MTM1: variants seen among roughly 807,000 people sequenced by gnomAD.
MTM1 encodes myotubularin 1.
In MTM1, 9 loss-of-function variants were observed where a neutral mutation model predicts 52.1. The ratio of observed to expected loss-of-function variants is 0.17; its 90% CI spans 0.10 to 0.30. MTM1 has a LOEUF of 0.30. Ranked by LOEUF, MTM1 falls within the 10% of genes least tolerant of loss-of-function variation. MTM1 has a pLI of 1.00. For synonymous variants in MTM1, 136 were observed against 163.8 expected, an observed-to-expected ratio of 0.83 and a Z score of 1.29; for missense variants, 277 against 470.7, an observed-to-expected ratio of 0.59 and a Z score of 3.81.
chrX:150,615,791 A>G (rs2039374463), intron 5 of MTM1, among the ~76,000 whole-genome samples: 2 of 112,307 alleles, frequency 1.8e-5, no homozygotes, highest in Admixed American at 1.9e-4. Context: ...CAGAAACTAA[A>G]GGATAATGCC....
chrX:150,619,463 C>T (rs1400564262), intron 6 of MTM1, among the ~76,000 whole-genome samples: 2 of 111,908 alleles, frequency 1.8e-5, no homozygotes, highest in Admixed American at 1.9e-4. Context: ...TGAATAGGGG[C>T]AGTTTTATTT....
Position 150,590,936 on chromosome X carries a change from A to G in MTM1, c.-10-1669A>G, listed in dbSNP as rs968629915. ...CCTAATATATAGTCTTGTTTTGTCA[A>G]TAGAAAAATTTCAGAGCAGATACAT... On this transcript the variant is annotated intron_variant, in intron 1 of 14. Transcript: ENST00000370396. The G allele has an allele frequency of 2.4e-4, 111 of 470,046 alleles. No individual in the cohort carries two copies. In the African/African-American group the frequency reaches 2.6e-3, roughly 11 times the overall value. 38.7% of individuals were successfully genotyped at this position (470,046 alleles called of 1,213,427 possible).
In MTM1 at chrX:150,626,355, C is replaced by T. The variant is rs987287569; in HGVS notation, c.444+7216C>T. On this transcript the variant is annotated intron_variant, in intron 6 of 14. Transcript: ENST00000370396. ...TTGAGACGGAGTCTTGCTCTGTCAC[C>T]CAGGCTGGAGTGCAGTGGCATGATC... Among the ~76,000 whole-genome samples, 7 of 111,395 alleles carry T rather than the reference C, an allele frequency of 6.3e-5. No individual in the cohort carries two copies. In the East Asian group the frequency reaches 2.0e-3, roughly 31 times the overall value.
chrX:150,596,615 C>T (rs1472577734), intron 3 of MTM1, 45 bp downstream of exon 3: 3 of 1,089,669 alleles, frequency 2.8e-6, no homozygotes, highest in African/African-American at 1.8e-5. Context: ...GAGGAGAAGT[C>T]TGGCAGGATC....
chrX:150,626,564 T>C (rs1005645393), intron 6 of MTM1, among the ~76,000 whole-genome samples: 5 of 111,545 alleles, frequency 4.5e-5, no homozygotes, highest in Non-Finnish European at 9.4e-5. Context: ...CGCCTCAGCC[T>C]CCCAAAGTGC....
chrX:150,596,714 C>T, intron 3 of MTM1, 144 bp downstream of exon 3: 1 of 478,631 alleles, frequency 2.1e-6, no homozygotes, highest in Non-Finnish European at 3.8e-6. Context: ...GAACTCTCTG[C>T]ATCCCTTTCT....
intron 7 of MTM1, among the ~76,000 whole-genome samples, chrX:150,639,995 G>A (rs1476997784): frequency 9.0e-6 from 1 of 111,630 alleles, no homozygotes; most frequent in African/African-American, 3.3e-5. Flanking sequence ...TTTGGGTGCA[G>A]GAGTTTAGCT....
chrX:150,567,045 A>G (rs1254298357), upstream of MTM1, among the ~76,000 whole-genome samples: 1 of 110,532 alleles, frequency 9.0e-6, no homozygotes, highest in Non-Finnish European at 1.9e-5. Flanking sequence ...TGGGTGGGGG[A>G]GACTTCTAAT....
At chrX:150,595,031 A>T (rs2038951361) in intron 2 of MTM1, among the ~76,000 whole-genome samples, 1 of 67,489 alleles carries the variant, frequency 1.5e-5, no homozygotes, top group Non-Finnish European at 2.8e-5. Flanking sequence ...AGGAATTTTC[A>T]TTCTTGCCTC....
intron 4 of MTM1, among the ~76,000 whole-genome samples, chrX:150,599,750 T>C (rs782385462): frequency 8.9e-6 from 1 of 111,900 alleles, no homozygotes; most frequent in South Asian, 3.7e-4. Flanking sequence ...ACAGTGCTTG[T>C]AGGGACATGT....
At chrX:150,662,682 A>G (rs1400015735) in intron 13 of MTM1, among the ~76,000 whole-genome samples, 3 of 110,998 alleles carry the variant, frequency 2.7e-5, no homozygotes, top group Non-Finnish European at 5.7e-5. Flanking sequence ...GTTTTAGCTT[A>G]TTGCTCTTTT....
At chrX:150,651,493 T>G (rs1396861717) in intron 10 of MTM1, among the ~76,000 whole-genome samples, 1 of 109,307 alleles carries the variant, frequency 9.1e-6, no homozygotes, top group South Asian at 3.9e-4. Flanking sequence ...TTGTTTTTTT[T>G]TTTTTTTTTT....
intron 4 of MTM1, among the ~76,000 whole-genome samples, chrX:150,603,021 G>A (rs950447760): frequency 1.8e-5 from 2 of 112,052 alleles, no homozygotes; most frequent in African/African-American, 3.2e-5. Flanking sequence ...GGGAAAAGAC[G>A]ATTATGCCAG....
chrX:150,568,694 G>C (rs1376957263), intron 1 of MTM1, 32 bp downstream of exon 1: 1 of 113,280 alleles, frequency 8.8e-6, no homozygotes, highest in African/African-American at 3.2e-5. Flanking sequence ...GCCTGGCTCG[G>C]AGCCGGGCAC....
intron 6 of MTM1, among the ~76,000 whole-genome samples, chrX:150,624,692 A>G (rs1302366990): frequency 4.5e-5 from 5 of 111,949 alleles, no homozygotes; most frequent in Non-Finnish European, 9.4e-5. Context: ...AGCATAACAT[A>G]ATATGGATAA....
intron 6 of MTM1, among the ~76,000 whole-genome samples, chrX:150,631,667 CAAAAAAA>C (rs34042424): frequency 5.6e-5 from 2 of 35,454 alleles, no homozygotes; most frequent in Non-Finnish European, 8.8e-5. Flanking sequence ...ACTCCATCTC[CAAAAAAA>C]AAAAAAAAAA....
chrX:150,660,885 T>C (rs2040208313), intron 13 of MTM1, among the ~76,000 whole-genome samples: 1 of 111,324 alleles, frequency 9.0e-6, no homozygotes, highest in Non-Finnish European at 1.9e-5. Context: ...GTAACTAATA[T>C]AGAGTGACAA....
upstream of MTM1, among the ~76,000 whole-genome samples, chrX:150,567,638 C>T (rs1228316853): frequency 9.0e-6 from 1 of 111,619 alleles, no homozygotes; most frequent in Non-Finnish European, 1.9e-5. Context: ...ACTGCAACCT[C>T]TCCCTCCCGG....
chrX:150,660,500 A>AT lies in MTM1; in HGVS notation c.1467+24dup, dbSNP rs782220238. ...AGAAAGACAGGTGAGTTAAAATGCT[A>AT]TTTTTTTTGATACATTAGGCTTGCC... On this transcript the variant is annotated intron_variant, in intron 13 of 14. Coordinates refer to ENST00000370396, the MANE Select transcript of MTM1 (RefSeq NM_000252.3). 65 of 1,033,522 alleles carry AT rather than the reference A, an allele frequency of 6.3e-5. No homozygotes were observed. The Middle Eastern group carries it at 1.6e-3, about 26-fold the overall frequency. The allele number at this position is 1,033,522 out of a possible 1,213,427, so 85.2% of individuals were successfully genotyped here.
Sources: allele counts gnomAD v4.1 joint callset (sites outside exome capture counted in the v4.1 genomes callset), GRCh38; gene constraint gnomAD v4.1.1; transcripts MANE v1.5; gene names NCBI Gene and HGNC (gene_info 2026-07-23, HGNC 2026-07-21).